Variants in PCDH15 observed in about 807,000 individuals in gnomAD.
PCDH15 encodes protocadherin related 15, also known as protocadherin-15.
A neutral mutation model predicts 178.5 loss-of-function variants in PCDH15; 129 were observed. The observed-to-expected ratio is 0.72, with a 90% CI of 0.63 to 0.84. The LOEUF (loss-of-function observed/expected upper bound fraction) is 0.84, where lower values mean the gene tolerates loss of function less well. Ranked by LOEUF, PCDH15 falls within the 40% of genes least tolerant of loss-of-function variation. The probability of loss-of-function intolerance (pLI) is 0.00; values close to 1 mark genes in which losing one functional copy is unlikely to be tolerated. For synonymous variants in PCDH15, 800 were observed against 732.0 expected, an observed-to-expected ratio of 1.09 and a Z score of -1.50; for missense variants, 2,230 against 2,099.9, an observed-to-expected ratio of 1.06 and a Z score of -1.21.
At chr10:54,576,033 C>A (rs1244050263) in intron 2 of PCDH15, among the ~76,000 whole-genome samples, 3 of 96,570 alleles carry the variant, frequency 3.1e-5, no homozygotes, top group Non-Finnish European at 6.4e-5. Flanking sequence ...ATATCTTTTA[C>A]CTTGTTATTA....
intron 13 of PCDH15, among the ~76,000 whole-genome samples, chr10:54,178,035 T>G (rs2047614630): frequency 6.6e-6 from 1 of 152,014 alleles, no homozygotes; most frequent in African/African-American, 2.4e-5. Context: ...AGAAGAAGTA[T>G]ATATACGTAT....
At chr10:55,245,697 C>A (rs1841663250) in intron 1 of PCDH15, among the ~76,000 whole-genome samples, 1 of 152,114 alleles carries the variant, frequency 6.6e-6, no homozygotes, top group African/African-American at 2.4e-5. Flanking sequence ...CCCAAAATCC[C>A]AGAATATGTA....
At chr10:55,099,183 G>A (rs1046431575) in intron 2 of PCDH15, among the ~76,000 whole-genome samples, 2 of 151,834 alleles carry the variant, frequency 1.3e-5, no homozygotes, top group Non-Finnish European at 2.9e-5. Flanking sequence ...CTTTATGTTG[G>A]TTTTCCCTAT....
At chr10:55,509,964 G>A (rs1309596227) in intron 2 of PCDH15, among the ~76,000 whole-genome samples, 1 of 151,928 alleles carries the variant, frequency 6.6e-6, no homozygotes, top group African/African-American at 2.4e-5. Context: ...TGGCTTTGCA[G>A]TTTAATAGTG....
At chr10:54,270,488 G>A (rs1487871137) in intron 8 of PCDH15, among the ~76,000 whole-genome samples, 1 of 152,258 alleles carries the variant, frequency 6.6e-6, no homozygotes, top group East Asian at 1.9e-4. Context: ...TTGAAGGAAG[G>A]TATGGGTAAG....
intron 25 of PCDH15, among the ~76,000 whole-genome samples, chr10:53,935,204 A>T (rs149265446): frequency 6.6e-6 from 1 of 152,348 alleles, no homozygotes; most frequent in East Asian, 1.9e-4. Flanking sequence ...CAAGTTATCC[A>T]GTCAAATTGG....
At chr10:54,624,909 T>C (rs566710474) in intron 2 of PCDH15, among the ~76,000 whole-genome samples, 1 of 152,340 alleles carries the variant, frequency 6.6e-6, no homozygotes, top group Admixed American at 6.5e-5. Flanking sequence ...AGGACTCCCA[T>C]TGATTCTACA....
At chr10:54,521,559 G>A (rs189474741) in intron 3 of PCDH15, among the ~76,000 whole-genome samples, 1 of 152,122 alleles carries the variant, frequency 6.6e-6, no homozygotes, top group East Asian at 1.9e-4. Flanking sequence ...CTTTATTAAT[G>A]ATTTTTTAAA....
chr10:54,748,517 T>G (rs527403069), intron 1 of PCDH15, among the ~76,000 whole-genome samples: 18 of 152,262 alleles, frequency 1.2e-4, no homozygotes, highest in Non-Finnish European at 2.2e-4. Flanking sequence ...CCATACCCCA[T>G]GTGTCCCCAC....
intron 14 of PCDH15, among the ~76,000 whole-genome samples, chr10:54,140,773 C>T (rs548520924): frequency 6.6e-6 from 1 of 152,116 alleles, no homozygotes; most frequent in South Asian, 2.1e-4. Context: ...ACCTCCACCT[C>T]CCAGGTTCAA....
At chr10:55,028,060 A>G (rs185609051) in intron 2 of PCDH15, among the ~76,000 whole-genome samples, 124 of 152,042 alleles carry the variant, frequency 8.2e-4, no homozygotes, top group Non-Finnish European at 8.0e-4. Flanking sequence ...CAGCAAAAGT[A>G]ATTGAACTCA....
chr10:54,465,652 C>G (rs370020324), intron 3 of PCDH15, among the ~76,000 whole-genome samples: 3 of 152,038 alleles, frequency 2.0e-5, no homozygotes, highest in South Asian at 4.1e-4. Context: ...TTGATGGACA[C>G]TTAAGTTGAT....
rs896811066 is a variant in PCDH15 at position 55,435,605 on chromosome 10, A to T, written c.-156+192020T>A. ...CTCCCATCCTCCTGCTCTGCAAAGT[A>T]TTGCCTCAATTAAATTTTTAAAAAT... On this transcript the variant is annotated intron_variant, in intron 2 of 5. Coordinates refer to the PCDH15 transcript ENST00000613346. Among the ~76,000 whole-genome samples the T allele has an allele frequency of 6.8e-4, 104 of 152,110 alleles. 1 individual carries two copies. The highest frequency in any genetic ancestry group is 2.8e-3 in the Admixed American group (43 of 15,256).
intron 8 of PCDH15, among the ~76,000 whole-genome samples, chr10:54,264,765 A>T (rs2057559600): frequency 6.6e-6 from 1 of 152,182 alleles, no homozygotes; most frequent in Admixed American, 6.5e-5. Flanking sequence ...GGGATTATGT[A>T]AAGAAACCAA....
intron 2 of PCDH15, among the ~76,000 whole-genome samples, chr10:55,452,825 A>G (rs1233908554): frequency 6.6e-6 from 1 of 152,174 alleles, no homozygotes; most frequent in East Asian, 1.9e-4. Flanking sequence ...AGTCAAAAAC[A>G]TTCAGAATAA....
chr10:55,107,626 G>C (rs1303768425), intron 2 of PCDH15, among the ~76,000 whole-genome samples: 2 of 150,108 alleles, frequency 1.3e-5, no homozygotes, highest in Non-Finnish European at 2.9e-5. Flanking sequence ...CAAGTAGCTT[G>C]TATTGCAGGT....
At position 54,822,033 on chromosome 10, in the gene PCDH15, G is replaced by A. The variant is rs1007402889; in HGVS notation, c.-29+75417C>T. ...ACCTTTTTATGTTTTAATTTATAAG[G>A]ATACATAATAGTTGTTTAGATTTAT... On this transcript the variant is annotated intron_variant, in intron 3 of 5. Transcript: ENST00000458638. Among the ~76,000 whole-genome samples, 3 of 152,030 alleles carry A rather than the reference G, an allele frequency of 2.0e-5. No homozygotes were observed. The South Asian group carries it at 6.2e-4, about 32-fold the overall frequency.
intron 2 of PCDH15, among the ~76,000 whole-genome samples, chr10:55,493,307 A>G (rs531806705): frequency 4.0e-5 from 6 of 151,586 alleles, no homozygotes; most frequent in Admixed American, 4.0e-4. Flanking sequence ...TGTAACCCCA[A>G]TGCTTTGGGA....
intron 2 of PCDH15, among the ~76,000 whole-genome samples, chr10:55,114,018 G>A (rs533892091): frequency 6.6e-6 from 1 of 151,982 alleles, no homozygotes; most frequent in South Asian, 2.1e-4. Flanking sequence ...GCACGATCTC[G>A]GCTCACTGCA....
Sources: gnomAD v4.1 joint callset for allele counts (sites outside exome capture counted in the v4.1 genomes callset) on GRCh38, gnomAD v4.1.1 for gene constraint, MANE v1.5 for transcripts, NCBI Gene and HGNC (gene_info 2026-07-23, HGNC 2026-07-21) for gene names.